The following RUNX2 variants were observed in gnomAD, a reference collection of about 807,000 sequenced individuals.
The protein encoded by RUNX2 is runt-related transcription factor 2.
RUNX2 carries 10 observed loss-of-function variants against 51.7 expected under a neutral mutation model. The observed-to-expected ratio is 0.19, with a 90% CI of 0.12 to 0.33. RUNX2 has a LOEUF of 0.33. Among genes scored for constraint, RUNX2 ranks in the 10% least tolerant of loss-of-function variants. RUNX2 has a pLI of 1.00. For missense variants in RUNX2, 562 were observed against 691.3 expected (o/e 0.81, Z 2.10); for synonymous variants, 276 against 273.6 (o/e 1.01, Z -0.09).
At chr6:45,543,502 G>T (rs753533804) in intron 7 of RUNX2, among the ~76,000 whole-genome samples, 2 of 152,178 alleles carry the variant, frequency 1.3e-5, no homozygotes, top group African/African-American at 2.4e-5. Flanking sequence ...AGCTCTGAGC[G>T]TACCAGGCAT....
At chr6:45,461,754 T>A (rs1023199617) in intron 5 of RUNX2, among the ~76,000 whole-genome samples, 15 of 82,088 alleles carry the variant, frequency 1.8e-4, no homozygotes, top group Non-Finnish European at 4.8e-4. Context: ...GGCTTACTAT[T>A]TTTTTTTTTT....
At chr6:45,406,660 C>A (rs1997994) in intron 2 of RUNX2, among the ~76,000 whole-genome samples, 5,308 of 152,216 alleles carry the variant, frequency 0.035, 320 homozygotes, top group African/African-American at 0.12. Context: ...CCCGCCTTGG[C>A]CCCCCAAAGT....
chr6:45,352,223 G>C (rs1792214853), intron 2 of RUNX2, among the ~76,000 whole-genome samples: 1 of 152,112 alleles, frequency 6.6e-6, no homozygotes, highest in Admixed American at 6.5e-5. Context: ...AATAACCTTT[G>C]ATCGTCTACC....
intron 7 of RUNX2, among the ~76,000 whole-genome samples, chr6:45,531,601 A>C (rs1426169063): frequency 1.3e-5 from 2 of 152,070 alleles, no homozygotes; most frequent in Non-Finnish European, 2.9e-5. Flanking sequence ...AAAAATACAA[A>C]AATTAGCCAG....
intron 5 of RUNX2, among the ~76,000 whole-genome samples, chr6:45,478,373 G>T (rs1464527608): frequency 6.6e-6 from 1 of 152,114 alleles, no homozygotes; most frequent in Admixed American, 6.5e-5. Context: ...ATTACATTTT[G>T]TCCTGACGAC....
chr6:45,436,373 A>G (rs1250684866), intron 4 of RUNX2, among the ~76,000 whole-genome samples: 1 of 152,088 alleles, frequency 6.6e-6, no homozygotes, highest in African/African-American at 2.4e-5. Context: ...TATTAGTTGT[A>G]TGAACTTGGG....
At position 45,533,888 on chromosome 6, in the gene RUNX2, CTTTTTTTTTTTTTT is replaced by C. The variant is rs553154980; in HGVS notation, c.1022-11319_1022-11306del. On this transcript the variant is annotated intron_variant, in intron 7 of 8. Transcript: ENST00000647337. Reference sequence around the variant, plus strand: ...AATACCGTCCTTTCCCCTGTTGAGACTTTTTTTTTTTTTTTTTTTTTTTGGAGACAGAGTCTCGC... The same window carrying C: ...AATACCGTCCTTTCCCCTGTTGAGACTTTTTTTTTGGAGACAGAGTCTCGC... Among the ~76,000 whole-genome samples the C allele has an allele frequency of 3.7e-5, 4 of 108,110 alleles. No individual in the cohort carries two copies. The South Asian group carries it at 1.2e-3, about 33-fold the overall frequency. 70.9% of individuals were successfully genotyped at this position (108,110 alleles called of 152,430 possible).
In RUNX2 at chr6:45,512,248, C is replaced by T. The variant is rs1179560763; in HGVS notation, c.862C>T (p.Pro288Ser). 6.2e-7 allele frequency: 1 copy of T among 1,613,658 alleles called. No homozygotes were observed. The highest frequency in any genetic ancestry group is 1.7e-5 in the Admixed American group (1 of 60,004). Reference sequence around the variant, plus strand: ...ATTTTTCTTTTTCTTTTTCCCAGACCCCAGGCAGGCACAGTCTTCCCCGCC... The same window carrying T: ...ATTTTTCTTTTTCTTTTTCCCAGACTCCAGGCAGGCACAGTCTTCCCCGCC... ...NPQGQSQITD[P>S]RQAQSSPPWS... The change falls in exon 7 of 9, where the codon CCC (proline) becomes TCC (serine). Residue 288 changes from proline (P) to serine (S), a missense_variant and splice_region_variant. Transcript: ENST00000647337.
chr6:45,334,304 T>C (rs1157694814), intron 2 of RUNX2, among the ~76,000 whole-genome samples: 5 of 151,138 alleles, frequency 3.3e-5, no homozygotes, highest in Non-Finnish European at 7.4e-5. Flanking sequence ...TATAAACATA[T>C]ATTTACATAA....
intron 5 of RUNX2, among the ~76,000 whole-genome samples, chr6:45,476,484 C>A (rs1582152001): frequency 6.6e-6 from 1 of 152,122 alleles, no homozygotes; most frequent in Non-Finnish European, 1.5e-5. Flanking sequence ...TGGACGAGAA[C>A]AAATTTTGCC....
intron 7 of RUNX2, among the ~76,000 whole-genome samples, chr6:45,512,916 G>T (rs1251125913): frequency 2.6e-5 from 4 of 152,118 alleles, no homozygotes; most frequent in Admixed American, 2.0e-4. Context: ...GTGAGGCCTG[G>T]AAGAATCTTA....
At chr6:45,355,441 T>C (rs2150216154) in intron 2 of RUNX2, among the ~76,000 whole-genome samples, 1 of 152,160 alleles carries the variant, frequency 6.6e-6, no homozygotes, top group South Asian at 2.1e-4. Context: ...ACCCATAAAA[T>C]TTCCAGGGTT....
At chr6:45,505,370 T>C (rs539791073) in intron 6 of RUNX2, among the ~76,000 whole-genome samples, 6 of 152,068 alleles carry the variant, frequency 3.9e-5, no homozygotes, top group Non-Finnish European at 8.8e-5. Context: ...CTTTTTTTTT[T>C]TTTTTTCTTT....
chr6:45,426,704 A>T (rs963929125), intron 3 of RUNX2, among the ~76,000 whole-genome samples: 1 of 152,250 alleles, frequency 6.6e-6, no homozygotes, highest in Non-Finnish European at 1.5e-5. Context: ...ACACATTTTT[A>T]GATATATAAG....
chr6:45,463,098 C>G (rs546096045), intron 5 of RUNX2, among the ~76,000 whole-genome samples: 3 of 152,242 alleles, frequency 2.0e-5, no homozygotes, highest in Admixed American at 1.3e-4. Flanking sequence ...CTCTTTCTAC[C>G]AAATATTGAT....
intron 2 of RUNX2, among the ~76,000 whole-genome samples, chr6:45,346,577 T>TC (rs940012790): frequency 2.0e-5 from 3 of 151,296 alleles, no homozygotes; most frequent in African/African-American, 7.3e-5. Flanking sequence ...CTTTTTTTTT[T>TC]TTTTTCTTGA....
At chr6:45,487,067 GCTTT>G (rs1800305164) in intron 5 of RUNX2, among the ~76,000 whole-genome samples, 1 of 152,142 alleles carries the variant, frequency 6.6e-6, no homozygotes, top group Non-Finnish European at 1.5e-5. Context: ...TTTTGATTAT[GCTTT>G]CTTCTTGTGC....
intron 2 of RUNX2, among the ~76,000 whole-genome samples, chr6:45,408,949 G>GC: frequency 6.6e-6 from 1 of 152,156 alleles, no homozygotes; most frequent in Non-Finnish European, 1.5e-5. Context: ...AATATTGAGT[G>GC]CCTGATATAT....
At chr6:45,438,266 G>C (rs890463891) in intron 5 of RUNX2, among the ~76,000 whole-genome samples, 2 of 152,098 alleles carry the variant, frequency 1.3e-5, no homozygotes, top group African/African-American at 4.8e-5. Context: ...CAATCACTAA[G>C]GCCTCCGTAG....
Sources: allele counts gnomAD v4.1 joint callset (sites outside exome capture counted in the v4.1 genomes callset), GRCh38; gene constraint gnomAD v4.1.1; transcripts MANE v1.5; gene names NCBI Gene and HGNC (gene_info 2026-07-23, HGNC 2026-07-21).